The following OSBPL6 variants were observed in gnomAD, a reference collection of about 807,000 sequenced individuals.
The protein encoded by OSBPL6 is oxysterol binding protein like 6.
In OSBPL6, 49 loss-of-function variants were observed where a neutral mutation model predicts 125.8. That is an observed-to-expected ratio of 0.39 (90% CI 0.31 to 0.49). The LOEUF (loss-of-function observed/expected upper bound fraction) is 0.49, where lower values mean the gene tolerates loss of function less well. OSBPL6 is among the 20% of genes least tolerant of loss of function. The probability of loss-of-function intolerance (pLI) is 0.88; values close to 1 mark genes in which losing one functional copy is unlikely to be tolerated. For missense variants in OSBPL6, 986 were observed against 1,135.4 expected (o/e 0.87, Z 1.89); for synonymous variants, 394 against 391.8 (o/e 1.01, Z -0.07).
In OSBPL6 at chr2:178,324,325, A is replaced by G. The variant is rs573765967; in HGVS notation, c.195+56A>G. The G allele has an allele frequency of 2.1e-4, 271 of 1,299,942 alleles. 5 individuals carry two copies. The South Asian group carries it at 2.8e-3, about 13-fold the overall frequency. The allele number at this position is 1,299,942 out of a possible 1,614,324, so 80.5% of individuals were successfully genotyped here. ...TGGCATGATGCCTGCTCTGGGGCCA[A>G]TTGAACTGTGAATAACGTTTACACC... On this transcript the variant is annotated intron_variant, in intron 4 of 24. Coordinates refer to ENST00000190611, the MANE Select transcript of OSBPL6 (RefSeq NM_032523.4).
chr2:178,214,884 G>A lies in OSBPL6; in HGVS notation c.-351+20210G>A, dbSNP rs150049560. ...GAGGATTGCTTGAGCCCAGGAGATCGAGGCTGCTGTGTGAGCTGTGATCAT... is the reference window on the plus strand; with the variant it reads ...GAGGATTGCTTGAGCCCAGGAGATCAAGGCTGCTGTGTGAGCTGTGATCAT... On this transcript the variant is annotated intron_variant, in intron 1 of 24. Coordinates refer to ENST00000190611, the MANE Select transcript of OSBPL6 (RefSeq NM_032523.4). Among the ~76,000 whole-genome samples the A allele has an allele frequency of 3.8e-3, 573 of 152,136 alleles. 3 individuals carry two copies. The highest frequency in any genetic ancestry group is 0.013 in the African/African-American group (540 of 41,524).
intron 14 of OSBPL6, 115 bp from the exon 15 acceptor site, chr2:178,373,775 G>A: frequency 1.5e-6 from 2 of 1,297,596 alleles, no homozygotes; most frequent in Non-Finnish European, 2.1e-6. Context: ...AAAATTGCTT[G>A]TGGCTGCCAC....
At chr2:178,370,896 A>C (rs1427908782) in intron 13 of OSBPL6, among the ~76,000 whole-genome samples, 3 of 152,362 alleles carry the variant, frequency 2.0e-5, no homozygotes, top group Non-Finnish European at 4.4e-5. Context: ...CATGGGGACC[A>C]GGATGGAGAG....
At chr2:178,314,634 A>G (rs1687579760) in intron 3 of OSBPL6, among the ~76,000 whole-genome samples, 1 of 152,238 alleles carries the variant, frequency 6.6e-6, no homozygotes, top group Non-Finnish European at 1.5e-5. Flanking sequence ...GGTATTTTGA[A>G]GAGTCTAAAT....
intron 13 of OSBPL6, among the ~76,000 whole-genome samples, chr2:178,364,617 A>T (rs1406165841): frequency 6.6e-6 from 1 of 152,184 alleles, no homozygotes; most frequent in African/African-American, 2.4e-5. Flanking sequence ...ATAACTGGGT[A>T]TGTGAAAGTT....
At chr2:178,270,089 G>C (rs966191441) in intron 1 of OSBPL6, among the ~76,000 whole-genome samples, 1 of 152,200 alleles carries the variant, frequency 6.6e-6, no homozygotes, top group African/African-American at 2.4e-5. Flanking sequence ...GGACTGCCTG[G>C]TAGTAAAGAG....
intron 21 of OSBPL6, among the ~76,000 whole-genome samples, chr2:178,389,841 C>A (rs1348756670): frequency 2.0e-5 from 3 of 152,186 alleles, no homozygotes; most frequent in African/African-American, 7.2e-5. Flanking sequence ...TGATCCCATT[C>A]TAATATGGTA....
chr2:178,335,102 A>C (rs76563884), intron 8 of OSBPL6, among the ~76,000 whole-genome samples: 3,174 of 152,268 alleles, frequency 0.021, 101 homozygotes, highest in African/African-American at 0.071. Flanking sequence ...ATCTTTAAAA[A>C]ATATAAATTT....
intron 3 of OSBPL6, among the ~76,000 whole-genome samples, chr2:178,312,743 A>C (rs1237164438): frequency 6.6e-6 from 1 of 152,176 alleles, no homozygotes; most frequent in Non-Finnish European, 1.5e-5. Context: ...GGCATGAGCC[A>C]CCACACCCAG....
rs1213834211 is a variant in OSBPL6 at position 178,399,623 on chromosome 2, T to C, written c.*4064T>C. On this transcript the variant is annotated 3_prime_UTR_variant, in exon 25 of 25. Transcript: ENST00000190611. ...AATGAAGCTTCATGATTAAGGCAGC[T>C]TACAGATAAGTGGAAAAGAACTTAC... 6.6e-6 allele frequency: 1 copy of C among 152,228 alleles called. No individual in the cohort carries two copies. Among genetic ancestry groups the C allele is most frequent in the Non-Finnish European group, 1.5e-5 (1 of 68,020 alleles). 9.4% of individuals were successfully genotyped at this position (152,228 alleles called of 1,614,324 possible). A position where few individuals can be genotyped will look rare whatever the true frequency, so the allele number is the denominator to read the frequency against.
At chr2:178,275,567 G>GTGCCCT (rs1328910656) in intron 1 of OSBPL6, among the ~76,000 whole-genome samples, 1 of 151,998 alleles carries the variant, frequency 6.6e-6, no homozygotes, top group Admixed American at 6.6e-5. Context: ...TGAGTTTCAG[G>GTGCCCT]TGCCCTTGAT....
chr2:178,375,322 C>T (rs1180756316), intron 15 of OSBPL6, among the ~76,000 whole-genome samples: 5 of 152,178 alleles, frequency 3.3e-5, no homozygotes, highest in Admixed American at 6.5e-5. Flanking sequence ...ACCATGCTGT[C>T]GATAATGCTA....
chr2:178,328,518 C>T, intron 5 of OSBPL6, 140 bp downstream of exon 5: 17 of 982,722 alleles, frequency 1.7e-5, no homozygotes, highest in Non-Finnish European at 2.3e-5. Context: ...GACAGATTCT[C>T]ACTCTGTTAC....
At chr2:178,336,267 T>G in intron 8 of OSBPL6, 34 bp from the exon 9 acceptor site, 2 of 1,607,712 alleles carry the variant, frequency 1.2e-6, no homozygotes, top group Non-Finnish European at 1.7e-6. Context: ...ATGTACTGTT[T>G]CATAACCATA....
At chr2:178,238,220 C>T (rs1004115796) in intron 1 of OSBPL6, among the ~76,000 whole-genome samples, 1 of 152,142 alleles carries the variant, frequency 6.6e-6, no homozygotes, top group Non-Finnish European at 1.5e-5. Context: ...ATAAACAAAT[C>T]ATACATCTTA....
At chr2:178,270,771 G>T (rs2092359304) in intron 1 of OSBPL6, among the ~76,000 whole-genome samples, 1 of 152,070 alleles carries the variant, frequency 6.6e-6, no homozygotes, top group Non-Finnish European at 1.5e-5. Context: ...CATTGGTCTT[G>T]GTTTTGAAAA....
intron 15 of OSBPL6, among the ~76,000 whole-genome samples, chr2:178,374,899 C>T (rs1324525893): frequency 6.6e-6 from 1 of 152,136 alleles, no homozygotes; most frequent in African/African-American, 2.4e-5. Context: ...ATAGTGAATA[C>T]ATATCATTTT....
rs927172143 is a variant in OSBPL6, at chr2:178,336,581, T to C, written c.790+148T>C. On this transcript the variant is annotated intron_variant, in intron 9 of 24. Transcript: ENST00000190611. ...TTGCTCTTTCTCCCCCTTGTTCTTA[T>C]TTTTATGCACCAGCTCCTTCTCTCT... 39 of 896,420 alleles carry C rather than the reference T, an allele frequency of 4.4e-5. No homozygotes were observed. In the African/African-American group the frequency reaches 6.5e-4, roughly 15 times the overall value. 55.5% of individuals were successfully genotyped at this position (896,420 alleles called of 1,614,324 possible).
intron 1 of OSBPL6, among the ~76,000 whole-genome samples, chr2:178,207,424 T>C (rs1350497782): frequency 1.3e-5 from 2 of 152,226 alleles, no homozygotes; most frequent in African/African-American, 4.8e-5. Flanking sequence ...AAGCACCTCC[T>C]CTCAGTATCC....
Sources: allele counts gnomAD v4.1 joint callset (sites outside exome capture counted in the v4.1 genomes callset), GRCh38; gene constraint gnomAD v4.1.1; transcripts MANE v1.5; gene names NCBI Gene and HGNC (gene_info 2026-07-23, HGNC 2026-07-21).